Variants in GRB2 observed in about 807,000 individuals in gnomAD.
GRB2 encodes the protein growth factor receptor-bound protein 2.
Under a neutral mutation model 27.4 loss-of-function variants are expected in GRB2, and 2 were observed. That is an observed-to-expected ratio of 0.07 (90% CI 0.03 to 0.23). The LOEUF is 0.23. Among genes scored for constraint, GRB2 ranks in the 10% least tolerant of loss-of-function variants. The pLI is 1.00. For missense variants in GRB2, 102 were observed against 282.4 expected (o/e 0.36, Z 4.58); for synonymous variants, 94 against 99.6 (o/e 0.94, Z 0.33).
chr17:75,393,653 A>C lies in GRB2; in HGVS notation c.-25T>G. 4 of 1,597,830 alleles carry C rather than the reference A, an allele frequency of 2.5e-6. No individual in the cohort carries two copies. The highest frequency in any genetic ancestry group is 3.4e-6 in the Non-Finnish European group (4 of 1,165,398). On this transcript the variant is annotated 5_prime_UTR_variant, in exon 2 of 6. Transcript: ENST00000316804. ...TTCTGAGCGCTGCTCAGTGCTCAGC[A>C]GCCTGAAGCAGGGGGAAGGGAGTCT...
At chr17:75,367,299 T>A (rs1199096305) in intron 2 of GRB2, among the ~76,000 whole-genome samples, 1 of 150,980 alleles carries the variant, frequency 6.6e-6, no homozygotes, top group African/African-American at 2.4e-5. Context: ...GCCTCTGGAG[T>A]AGTTGAGACT....
At chr17:75,327,923 T>C (rs2078510808) in intron 3 of GRB2, among the ~76,000 whole-genome samples, 1 of 152,140 alleles carries the variant, frequency 6.6e-6, no homozygotes, top group Non-Finnish European at 1.5e-5. Flanking sequence ...GCTGGGACAA[T>C]AGATCCTCCT....
intron 3 of GRB2, among the ~76,000 whole-genome samples, chr17:75,329,320 C>G (rs574273719): frequency 6.6e-6 from 1 of 152,008 alleles, no homozygotes; most frequent in Non-Finnish European, 1.5e-5. Context: ...GTACATGAAG[C>G]AAACATAAAA....
chr17:75,354,533 C>T (rs760244982), intron 2 of GRB2, among the ~76,000 whole-genome samples: 24 of 152,106 alleles, frequency 1.6e-4, no homozygotes, highest in Non-Finnish European at 2.9e-4. Context: ...CTAGGTTGCC[C>T]GCTCCTTGTA....
At chr17:75,333,213 T>C (rs2078553182) in intron 2 of GRB2, among the ~76,000 whole-genome samples, 1 of 152,142 alleles carries the variant, frequency 6.6e-6, no homozygotes, top group African/African-American at 2.4e-5. Context: ...GTAGCTGGGA[T>C]TACAGGCGCA....
At position 75,344,609 on chromosome 17, in the gene GRB2, G is replaced by A. The variant is rs1459017236; in HGVS notation, c.79-11812C>T. Among the ~76,000 whole-genome samples the A allele has an allele frequency of 2.0e-5, 3 of 151,998 alleles. No homozygotes were observed. The East Asian group carries it at 5.8e-4, about 29-fold the overall frequency. ...GTTTCATCAAGTTGGCCAGGCTGGT[G>A]TTGAACTCCTGAGTTCAAGTGATCT... On this transcript the variant is annotated intron_variant, in intron 2 of 5. Transcript: ENST00000316804.
At chr17:75,362,913 TG>T (rs2078794132) in intron 2 of GRB2, among the ~76,000 whole-genome samples, 1 of 152,152 alleles carries the variant, frequency 6.6e-6, no homozygotes, top group Non-Finnish European at 1.5e-5. Context: ...TTTCCCATTT[TG>T]GGGGTAGAGG....
intron 2 of GRB2, among the ~76,000 whole-genome samples, chr17:75,337,574 T>A (rs1257643673): frequency 9.3e-5 from 3 of 32,412 alleles, no homozygotes; most frequent in Non-Finnish European, 7.7e-4. Flanking sequence ...CTGTTACTAT[T>A]TTTTTTTTTT....
At chr17:75,386,844 C>T (rs753201114) in intron 2 of GRB2, among the ~76,000 whole-genome samples, 3 of 152,192 alleles carry the variant, frequency 2.0e-5, no homozygotes, top group Non-Finnish European at 4.4e-5. Context: ...GTTTCTTAAG[C>T]TTTGAGCCTG....
Position 75,326,071 on chromosome 17 carries a change from G to A in GRB2, c.177-51C>T, listed in dbSNP as rs760866238. 7 of 1,609,654 alleles carry A rather than the reference G, an allele frequency of 4.3e-6. No homozygotes were observed. In the Admixed American group the frequency reaches 1.0e-4, roughly 23 times the overall value. ...ACATCTGCTTCCCCACAAAGAAACG[G>A]GATATCCAGCCTTCAAAATGTGAGT... On this transcript the variant is annotated intron_variant, in intron 3 of 5. Transcript: ENST00000316804.
intron 3 of GRB2, among the ~76,000 whole-genome samples, chr17:75,332,196 G>C (rs2078545819): frequency 6.6e-6 from 1 of 152,158 alleles, no homozygotes; most frequent in African/African-American, 2.4e-5. Context: ...AATATTCACT[G>C]CTCCCAGCAG....
At chr17:75,328,406 C>T (rs1050327745) in intron 3 of GRB2, among the ~76,000 whole-genome samples, 11 of 150,840 alleles carry the variant, frequency 7.3e-5, no homozygotes, top group Non-Finnish European at 1.3e-4. Flanking sequence ...TTTGGGAGGC[C>T]GAGGTGGGCG....
chr17:75,324,507 G>GTTTTGTTTTTTTTT (rs1555608339), intron 4 of GRB2, among the ~76,000 whole-genome samples: 1 of 36,704 alleles, frequency 2.7e-5, no homozygotes, highest in Non-Finnish European at 5.7e-5. Flanking sequence ...ACCGCACCCA[G>GTTTTGTTTTTTTTT]TTTTTTTTTT....
At chr17:75,367,963 AC>A (rs1312892666) in intron 2 of GRB2, among the ~76,000 whole-genome samples, 1 of 151,678 alleles carries the variant, frequency 6.6e-6, no homozygotes, top group Non-Finnish European at 1.5e-5. Context: ...GCTCACTGCA[AC>A]CCCTGCCTCC....
chr17:75,370,594 GAAA>G (rs2078849186), intron 2 of GRB2, among the ~76,000 whole-genome samples: 1 of 152,180 alleles, frequency 6.6e-6, no homozygotes, highest in Non-Finnish European at 1.5e-5. Context: ...GGCAAAGCTT[GAAA>G]AATAGAAAAC....
chr17:75,401,705 T>C (rs1022624098), intron 1 of GRB2, among the ~76,000 whole-genome samples: 1 of 152,236 alleles, frequency 6.6e-6, no homozygotes, highest in Admixed American at 6.5e-5. Context: ...TAATCCCTAG[T>C]ATCCCTTAAC....
intron 2 of GRB2, among the ~76,000 whole-genome samples, chr17:75,358,915 A>AT (rs1369419120): frequency 0.047 from 4,489 of 95,884 alleles, 272 homozygotes; most frequent in Non-Finnish European, 0.07. Flanking sequence ...ATATATATAT[A>AT]AATATATATA....
At chr17:75,346,579 T>TTTA (rs2078656672) in intron 2 of GRB2, among the ~76,000 whole-genome samples, 1 of 12,062 alleles carries the variant, frequency 8.3e-5, no homozygotes, top group Non-Finnish European at 3.6e-4. Flanking sequence ...TTTTCTTGCC[T>TTTA]TTTTTTTTTT....
At chr17:75,341,499 G>A (rs1226693320) in intron 2 of GRB2, among the ~76,000 whole-genome samples, 2 of 149,072 alleles carry the variant, frequency 1.3e-5, no homozygotes, top group Admixed American at 6.7e-5. Flanking sequence ...GTATTTGTTA[G>A]TCAGGTATAC....
Sources: gnomAD v4.1 joint callset for allele counts (sites outside exome capture counted in the v4.1 genomes callset) on GRCh38, gnomAD v4.1.1 for gene constraint, MANE v1.5 for transcripts, NCBI Gene and HGNC (gene_info 2026-07-23, HGNC 2026-07-21) for gene names.